Variants in DST observed in about 807,000 individuals in gnomAD.
DST encodes the protein dystonin.
DST carries 253 observed loss-of-function variants against 875.2 expected under a neutral mutation model. That is an observed-to-expected ratio of 0.29 (90% CI 0.26 to 0.32). The LOEUF is 0.32. Among genes scored for constraint, DST ranks in the 10% least tolerant of loss-of-function variants. The pLI, the probability that DST is intolerant of heterozygous loss-of-function variation, is 1.00. For synonymous variants in DST, 3,124 were observed against 3,197.1 expected, an observed-to-expected ratio of 0.98 and a Z score of 0.77; for missense variants, 8,287 against 9,111.6, an observed-to-expected ratio of 0.91 and a Z score of 3.68.
intron 4 of DST, among the ~76,000 whole-genome samples, chr6:56,846,922 G>T (rs2099807742): frequency 6.7e-6 from 1 of 149,828 alleles, no homozygotes; most frequent in Admixed American, 6.7e-5. Context: ...AGGATCGCTT[G>T]AGCCCGGGAG....
At position 56,608,487 on chromosome 6, in the gene DST, T is replaced by C. The variant is rs1258449933; in HGVS notation, c.6141A>G (p.Glu2047=). Residue 2047 remains glutamate (E), a synonymous_variant, in exon 40 of 104, where the codon GAA becomes GAG. Transcript: ENST00000680361. ...AAGTTATTAAATCACACTGTACTGC[T>C]TCGTCTACAGTTAAACGCTTGGCAG... ...SNPAKRLTVD[E]AVQCDLITSS... 3 of 1,613,702 alleles carry C rather than the reference T, an allele frequency of 1.9e-6. No homozygotes were observed. Among genetic ancestry groups the C allele is most frequent in the Non-Finnish European group, 2.5e-6 (3 of 1,179,778 alleles).
intron 4 of DST, among the ~76,000 whole-genome samples, chr6:56,771,703 G>C (rs1320287539): frequency 1.3e-5 from 2 of 152,118 alleles, no homozygotes; most frequent in African/African-American, 4.8e-5. Context: ...CACAACTACA[G>C]GGAAAAAACT....
At chr6:56,794,323 C>T (rs973206745) in intron 4 of DST, among the ~76,000 whole-genome samples, 4 of 152,120 alleles carry the variant, frequency 2.6e-5, no homozygotes, top group African/African-American at 9.7e-5. Flanking sequence ...AGTAGATGAC[C>T]TTTAGCTTAC....
At chr6:56,681,387 G>T (rs2099156723) in intron 9 of DST, among the ~76,000 whole-genome samples, 1 of 152,076 alleles carries the variant, frequency 6.6e-6, no homozygotes, top group South Asian at 2.1e-4. Flanking sequence ...TCCTCAATAA[G>T]AATGCATTTC....
intron 60 of DST, among the ~76,000 whole-genome samples, 158 bp from the exon 61 acceptor site, chr6:56,553,813 G>C (rs2097357991): frequency 6.6e-6 from 1 of 152,132 alleles, no homozygotes; most frequent in African/African-American, 2.4e-5. Flanking sequence ...TTAAGTTATT[G>C]ACAAAGGGGA....
intron 4 of DST, among the ~76,000 whole-genome samples, chr6:56,819,388 C>G (rs13220618): frequency 0.15 from 23,179 of 152,080 alleles, 2,002 homozygotes; most frequent in Non-Finnish European, 0.18. Flanking sequence ...TAACTTAAAG[C>G]TTCTAGAAAT....
At chr6:56,619,860 G>A (rs761978257) in intron 36 of DST, 43 of 1,613,894 alleles carry the variant, frequency 2.7e-5, no homozygotes, top group Non-Finnish European at 3.3e-5. Context: ...TCAAGCTGGA[G>A]GGCATTAAGT....
intron 87 of DST, among the ~76,000 whole-genome samples, chr6:56,486,771 T>C (rs1054725687): frequency 3.3e-5 from 5 of 152,136 alleles, no homozygotes; most frequent in Non-Finnish European, 5.9e-5. Context: ...TTTACATTTT[T>C]AAAAGACTAT....
intron 78 of DST, 100 bp downstream of exon 78, chr6:56,503,897 T>A: frequency 1.3e-6 from 1 of 747,098 alleles, no homozygotes; most frequent in Non-Finnish European, 2.1e-6. Flanking sequence ...AATTAAGCTG[T>A]CATACTTACA....
At position 56,605,596 on chromosome 6, in the gene DST, T is replaced by C. The variant is rs1279155911; in HGVS notation, c.9032A>G (p.Glu3011Gly). The change falls in exon 40 of 104, where the codon GAA (glutamate) becomes GGA (glycine). Residue 3011 changes from glutamate (E) to glycine (G), a missense_variant. Transcript: ENST00000680361. ...EPDLIGKPAE[E>G]SHLSLIASVT... is the part of the protein sequence containing the mutation. ...AGAGGCTATCAATGACAAATGGCTT[T>C]CCTCAGCAGGTTTTCCTATTAAATC... 2.5e-6 allele frequency: 4 copies of C among 1,613,036 alleles called. No homozygotes were observed. In the Admixed American group the frequency reaches 6.7e-5, roughly 27 times the overall value.
rs140211324 is a variant in DST, at chr6:56,741,926, A to G, written c.626-6637T>C. Among the ~76,000 whole-genome samples the G allele has an allele frequency of 3.1e-3, 477 of 152,352 alleles. 2 individuals carry two copies. Among genetic ancestry groups the G allele is most frequent in the Middle Eastern group, 0.01 (3 of 294 alleles). ...AGCTGAAAATATGTAACGACAATGA[A>G]GACAAAGAATAACAGAATTGGGGGG... On this transcript the variant is annotated intron_variant, in intron 4 of 103. Transcript: ENST00000680361.
intron 4 of DST, among the ~76,000 whole-genome samples, chr6:56,763,682 T>TACACAC (rs1257855378): frequency 3.7e-4 from 16 of 42,716 alleles, no homozygotes; most frequent in East Asian, 1.7e-3. Flanking sequence ...AAAAAATACC[T>TACACAC]ATACACACAC....
intron 1 of DST, 50 bp downstream of exon 1, chr6:56,954,357 G>C (rs754571632): frequency 5.4e-6 from 7 of 1,305,886 alleles, no homozygotes; most frequent in Non-Finnish European, 7.1e-6. Flanking sequence ...TCTCCAAATC[G>C]GCTTAATTGT....
At chr6:56,914,377 C>A (rs1287823055) in intron 2 of DST, among the ~76,000 whole-genome samples, 1 of 152,164 alleles carries the variant, frequency 6.6e-6, no homozygotes, top group Non-Finnish European at 1.5e-5. Flanking sequence ...GAGAGGGTGG[C>A]AGCATGGCTT....
At chr6:56,684,856 G>A (rs995260049) in intron 9 of DST, among the ~76,000 whole-genome samples, 1 of 152,094 alleles carries the variant, frequency 6.6e-6, no homozygotes, top group Non-Finnish European at 1.5e-5. Context: ...ACTGGCAAAG[G>A]AGCTGATGCA....
At position 56,717,182 on chromosome 6, in the gene DST, CAAATAAAT is replaced by C. The variant is rs35485370; in HGVS notation, c.688-12821_688-12814del. ...TGTGCAACAGAGCGAGACTCCGTCT[CAAATAAAT>C]AAATAAATAAATAAATAAATAAATA... On this transcript the variant is annotated intron_variant, in intron 5 of 103. Transcript: ENST00000680361. 6.0e-3 allele frequency among the ~76,000 whole-genome samples: 852 copies of C among 142,752 alleles called. 4 individuals carry two copies. Among genetic ancestry groups the C allele is most frequent in the Admixed American group, 0.024 (337 of 14,326 alleles). The allele number at this position is 142,752 out of a possible 152,430, so 93.7% of individuals were successfully genotyped here.
intron 4 of DST, among the ~76,000 whole-genome samples, chr6:56,746,471 T>C (rs2099572732): frequency 6.6e-6 from 1 of 152,210 alleles, no homozygotes; most frequent in African/African-American, 2.4e-5. Flanking sequence ...ACTAAATGAA[T>C]GAATTATAGT....
At chr6:56,746,716 T>C (rs1279519281) in intron 4 of DST, among the ~76,000 whole-genome samples, 1 of 152,198 alleles carries the variant, frequency 6.6e-6, no homozygotes, top group Non-Finnish European at 1.5e-5. Context: ...CCTGATTATT[T>C]TACAAAGAGG....
chr6:56,569,548 T>C (rs575381037), intron 54 of DST, among the ~76,000 whole-genome samples: 2 of 152,218 alleles, frequency 1.3e-5, no homozygotes, highest in South Asian at 2.1e-4. Context: ...CTTAATATTA[T>C]GAGAAGTGGT....
Sources: allele counts gnomAD v4.1 joint callset (sites outside exome capture counted in the v4.1 genomes callset), GRCh38; gene constraint gnomAD v4.1.1; transcripts MANE v1.5; gene names NCBI Gene and HGNC (gene_info 2026-07-23, HGNC 2026-07-21).